The following PPARGC1A variants were observed in gnomAD, a reference collection of about 807,000 sequenced individuals.
The protein encoded by PPARGC1A is peroxisome proliferator-activated receptor gamma coactivator 1-alpha.
A neutral mutation model predicts 88.7 loss-of-function variants in PPARGC1A; 25 were observed. That is an observed-to-expected ratio of 0.28 (90% CI 0.21 to 0.39). The LOEUF is 0.39. Among genes scored for constraint, PPARGC1A ranks in the 10% least tolerant of loss-of-function variants. The pLI, the probability that PPARGC1A is intolerant of heterozygous loss-of-function variation, is 1.00. For synonymous variants in PPARGC1A, 363 were observed against 355.6 expected, an observed-to-expected ratio of 1.02 and a Z score of -0.24; for missense variants, 880 against 968.7, an observed-to-expected ratio of 0.91 and a Z score of 1.22.
At chr4:24,282,075 GAATGA>G in the PPARGC1A span, among the ~76,000 whole-genome samples, 1 of 152,090 alleles carries the variant, frequency 6.6e-6, no homozygotes, top group East Asian at 1.9e-4. Context: ...TTTTTTGAAT[GAATGA>G]AAGATTTCAT....
the PPARGC1A span, among the ~76,000 whole-genome samples, chr4:24,179,095 T>C: frequency 6.6e-6 from 1 of 152,154 alleles, no homozygotes; most frequent in Admixed American, 6.6e-5. Flanking sequence ...CTTTATGAGT[T>C]AAGTTCTGTT....
chr4:24,246,086 C>G, the PPARGC1A span, among the ~76,000 whole-genome samples: 59,173 of 151,868 alleles, frequency 0.39, 11,431 homozygotes, highest in East Asian at 0.46. Flanking sequence ...ACACAAATGG[C>G]TAGATGGATA....
chr4:23,864,676 G>A (rs1328545475), intron 2 of PPARGC1A, among the ~76,000 whole-genome samples: 1 of 152,188 alleles, frequency 6.6e-6, no homozygotes, highest in Non-Finnish European at 1.5e-5. Context: ...TGTGGTTTTA[G>A]GGGGAAACAG....
At chr4:24,267,304 G>A in the PPARGC1A span, among the ~76,000 whole-genome samples, 160 of 152,120 alleles carry the variant, frequency 1.1e-3, no homozygotes, top group Middle Eastern at 3.4e-3. Flanking sequence ...TGGTTATTTC[G>A]GTACAATGTA....
chr4:23,902,010 G>A (rs1461504648), upstream of PPARGC1A, among the ~76,000 whole-genome samples: 1 of 151,894 alleles, frequency 6.6e-6, no homozygotes, highest in Non-Finnish European at 1.5e-5. Context: ...CTTAAAATGT[G>A]TCCAAACAAA....
chr4:24,443,076 G>A, the PPARGC1A span, among the ~76,000 whole-genome samples: 1 of 152,004 alleles, frequency 6.6e-6, no homozygotes, highest in Admixed American at 6.6e-5. Flanking sequence ...TAGTTCCTGG[G>A]ATCACATTTC....
At chr4:24,434,900 A>G in the PPARGC1A span, among the ~76,000 whole-genome samples, 1 of 152,226 alleles carries the variant, frequency 6.6e-6, no homozygotes, top group Non-Finnish European at 1.5e-5. Context: ...CATTTTGTTC[A>G]GAAATGTTAA....
chr4:24,421,521 C>T, the PPARGC1A span, among the ~76,000 whole-genome samples: 1 of 152,076 alleles, frequency 6.6e-6, no homozygotes, highest in Non-Finnish European at 1.5e-5. Flanking sequence ...CCGTGTTAGC[C>T]AGGATGATAT....
the PPARGC1A span, among the ~76,000 whole-genome samples, chr4:24,399,230 T>C: frequency 2.0e-4 from 30 of 152,256 alleles, no homozygotes; most frequent in African/African-American, 6.5e-4. Context: ...TTTGCAGATG[T>C]CATGAAAATA....
At chr4:23,988,905 G>T in the PPARGC1A span, among the ~76,000 whole-genome samples, 2 of 145,794 alleles carry the variant, frequency 1.4e-5, no homozygotes, top group African/African-American at 5.0e-5. Flanking sequence ...TATATAAATA[G>T]ATATTATTAT....
At position 23,829,516 on chromosome 4, in the gene PPARGC1A, G is replaced by C; in HGVS notation, c.499C>G (p.Gln167Glu). The C allele has an allele frequency of 6.2e-7, 1 of 1,613,566 alleles. No homozygotes were observed. The highest frequency in any genetic ancestry group is 8.5e-7 in the Non-Finnish European group (1 of 1,179,504). ...CTGTGATTGTGATTTGCATGGTTCT[G>C]GGTACTGAGACCACTGCATTCATTA... ...SYNECSGLST[Q>E]NHANHNHRIR... Residue 167 changes from glutamine to glutamate, a missense_variant, in exon 4 of 13, where the codon CAG becomes GAG. Gln to Glu is a conservative substitution (Grantham distance 29, BLOSUM62 2). Transcript: ENST00000264867.
chr4:23,884,542 G>T, intron 2 of PPARGC1A: 1 of 463,108 alleles, frequency 2.2e-6, no homozygotes, highest in African/African-American at 2.0e-5. Flanking sequence ...GTCCCTAGTT[G>T]ATTTATTTTT....
the PPARGC1A span, among the ~76,000 whole-genome samples, chr4:24,123,757 C>T: frequency 4.7e-4 from 71 of 152,116 alleles, no homozygotes; most frequent in African/African-American, 1.6e-3. Context: ...TCTGACTTCC[C>T]GTAAGAAGCT....
At chr4:24,216,730 T>C in the PPARGC1A span, among the ~76,000 whole-genome samples, 744 of 152,212 alleles carry the variant, frequency 4.9e-3, 5 homozygotes, top group Middle Eastern at 0.048. Context: ...CAAACCTTAA[T>C]ACCAAAAAAC....
the PPARGC1A span, among the ~76,000 whole-genome samples, chr4:24,281,753 C>A: frequency 6.6e-6 from 1 of 152,016 alleles, no homozygotes; most frequent in Non-Finnish European, 1.5e-5. Context: ...GTTTCTTCCC[C>A]CCCACCCCCA....
At chr4:24,021,700 A>G in the PPARGC1A span, among the ~76,000 whole-genome samples, 1 of 152,210 alleles carries the variant, frequency 6.6e-6, no homozygotes, top group African/African-American at 2.4e-5. Flanking sequence ...CACCTCTAAA[A>G]GGAAGCTAAT....
upstream of PPARGC1A, chr4:23,890,203 G>T: frequency 1.3e-5 from 7 of 552,610 alleles, no homozygotes; most frequent in Non-Finnish European, 1.6e-5. Flanking sequence ...CTCTGCTTCA[G>T]TGAAGTAACG....
chr4:24,329,513 T>G, the PPARGC1A span, among the ~76,000 whole-genome samples: 19 of 152,214 alleles, frequency 1.2e-4, no homozygotes, highest in African/African-American at 4.3e-4. Flanking sequence ...ACCTTCAGCC[T>G]TTGCTTGTGC....
chr4:24,075,915 A>G, the PPARGC1A span, among the ~76,000 whole-genome samples: 1 of 152,166 alleles, frequency 6.6e-6, no homozygotes, highest in East Asian at 1.9e-4. Flanking sequence ...GTTCTGACCC[A>G]TGCCAGAGCT....
Sources: allele counts gnomAD v4.1 joint callset (sites outside exome capture counted in the v4.1 genomes callset), GRCh38; gene constraint gnomAD v4.1.1; transcripts MANE v1.5; gene names NCBI Gene and HGNC (gene_info 2026-07-23, HGNC 2026-07-21).